The following SPATA13 variants were observed in gnomAD, a reference collection of about 807,000 sequenced individuals.
The protein encoded by SPATA13 is spermatogenesis-associated protein 13.
Under a neutral mutation model 104.0 loss-of-function variants are expected in SPATA13, and 50 were observed. The ratio of observed to expected loss-of-function variants is 0.48; its 90% CI spans 0.38 to 0.61. SPATA13 has a LOEUF of 0.61. SPATA13 is among the 20% of genes least tolerant of loss of function. SPATA13 has a pLI of 0.00. For missense variants in SPATA13, 1,524 were observed against 1,690.6 expected (o/e 0.90, Z 1.73); for synonymous variants, 606 against 667.5 (o/e 0.91, Z 1.42).
intron 1 of SPATA13, among the ~76,000 whole-genome samples, chr13:24,171,984 T>A (rs1227399032): frequency 4.6e-5 from 7 of 152,202 alleles, no homozygotes; most frequent in African/African-American, 1.7e-4. Context: ...ATTCTCCGAA[T>A]GATGACATCT....
rs116426583 is a variant in SPATA13, at chr13:24,213,831, C to T, written c.-111-8988C>T. 9.3e-3 allele frequency among the ~76,000 whole-genome samples: 1,423 copies of T among 152,236 alleles called. 21 individuals are homozygous for T. The highest frequency in any genetic ancestry group is 0.032 in the African/African-American group (1,333 of 41,530). ...GAAAAAATGTGTCTTCAAGTCTGAACAAGTGACTTAAAAATTGATATTTAG... is the reference window on the plus strand; with the variant it reads ...GAAAAAATGTGTCTTCAAGTCTGAATAAGTGACTTAAAAATTGATATTTAG... On this transcript the variant is annotated intron_variant, in intron 1 of 12. Transcript: ENST00000382108.
rs150113068 is a variant in SPATA13, at chr13:24,245,833, C to T, written c.1654-3644C>T. The stretch of plus-strand genomic sequence containing the variant: ...TGAATTCCTGGGCTCAAGCAATCCT[C>T]CTGCCTGAGCCTCCCAAAGTGCTGG... On this transcript the variant is annotated intron_variant, in intron 2 of 12. Coordinates refer to ENST00000382108, the MANE Select transcript of SPATA13 (RefSeq NM_001166271.3). Among the ~76,000 whole-genome samples the T allele has an allele frequency of 4.6e-3, 700 of 152,224 alleles. 14 individuals are homozygous for T. The highest frequency in any genetic ancestry group is 0.016 in the African/African-American group (678 of 41,514).
chr13:24,063,478 C>T (rs187633885), intron 3 of SPATA13, among the ~76,000 whole-genome samples: 19 of 152,218 alleles, frequency 1.2e-4, no homozygotes, highest in African/African-American at 4.6e-4. Context: ...TCTCCCCTGG[C>T]CCACATCCCT....
chr13:24,047,107 G>A (rs550260522), intron 3 of SPATA13, among the ~76,000 whole-genome samples: 13 of 152,174 alleles, frequency 8.5e-5, no homozygotes, highest in Non-Finnish European at 4.4e-5. Context: ...GGTGCACTGA[G>A]TCCACCTCAA....
intron 3 of SPATA13, among the ~76,000 whole-genome samples, chr13:24,093,404 G>A (rs17352779): frequency 0.01 from 1,579 of 152,336 alleles, 11 homozygotes; most frequent in Middle Eastern, 0.02. Flanking sequence ...AAAAGAGGAC[G>A]TATGGTTAGT....
chr13:24,232,942 C>CT (rs1162201527), intron 2 of SPATA13, among the ~76,000 whole-genome samples: 2 of 152,178 alleles, frequency 1.3e-5, no homozygotes. Context: ...TCTGAGAACT[C>CT]TAAGATTACA....
chr13:24,180,904 T>C (rs1868762065), intron 1 of SPATA13, among the ~76,000 whole-genome samples: 1 of 152,150 alleles, frequency 6.6e-6, no homozygotes. Context: ...ATTGTCAGAG[T>C]GTACTTACAC....
intron 3 of SPATA13, among the ~76,000 whole-genome samples, chr13:24,120,608 G>C (rs149997882): frequency 9.9e-5 from 15 of 152,204 alleles, no homozygotes; most frequent in African/African-American, 3.6e-4. Flanking sequence ...CATGTGAAAA[G>C]GGGGGACAGT....
At chr13:24,125,603 C>G (rs1309569405) in intron 3 of SPATA13, among the ~76,000 whole-genome samples, 1 of 152,118 alleles carries the variant, frequency 6.6e-6, no homozygotes, top group African/African-American at 2.4e-5. Context: ...TCTCAGTTCA[C>G]CTAGTGAGAA....
intron 3 of SPATA13, among the ~76,000 whole-genome samples, chr13:24,028,035 T>G (rs1886804): frequency 0.78 from 118,344 of 151,912 alleles, 46,720 homozygotes; most frequent in Middle Eastern, 0.85. Context: ...ATTCATAAAT[T>G]TAGATGTTTT....
chr13:24,101,691 T>C (rs1880262418), intron 3 of SPATA13, among the ~76,000 whole-genome samples: 1 of 152,208 alleles, frequency 6.6e-6, no homozygotes, highest in Non-Finnish European at 1.5e-5. Context: ...TACTAATCCG[T>C]AGAAGTGGAA....
intron 3 of SPATA13, among the ~76,000 whole-genome samples, chr13:24,037,742 A>G (rs1285347500): frequency 6.6e-6 from 1 of 151,722 alleles, no homozygotes; most frequent in Non-Finnish European, 1.5e-5. Flanking sequence ...TTCCTACAGC[A>G]AGCAGAAAAA....
intron 3 of SPATA13, among the ~76,000 whole-genome samples, chr13:24,112,967 AG>A (rs1298519211): frequency 6.6e-6 from 1 of 152,304 alleles, no homozygotes; most frequent in East Asian, 1.9e-4. Context: ...ACTCAACAGG[AG>A]GGGCTACTTA....
intron 3 of SPATA13, among the ~76,000 whole-genome samples, chr13:24,109,457 C>A (rs1880566819): frequency 6.6e-6 from 1 of 151,982 alleles, no homozygotes; most frequent in African/African-American, 2.4e-5. Context: ...ATTTATAATT[C>A]TTTGGGTATA....
chr13:23,992,346 G>A (rs1350586008), intron 2 of SPATA13, among the ~76,000 whole-genome samples: 1 of 152,182 alleles, frequency 6.6e-6, no homozygotes, highest in East Asian at 1.9e-4. Context: ...ATAAAATAAG[G>A]CATGTATTAG....
At chr13:23,988,722 C>T (rs1313327337) in intron 2 of SPATA13, among the ~76,000 whole-genome samples, 1 of 152,170 alleles carries the variant, frequency 6.6e-6, no homozygotes, top group Non-Finnish European at 1.5e-5. Context: ...TTTTAGTTTA[C>T]ATTTCTCCTA....
chr13:24,161,616 G>T lies in SPATA13; in HGVS notation c.-112+684G>T, dbSNP rs1009388845. ...CTGCTGCCAGCGTCAGGGGGAGCTC[G>T]GGTGACTTGGGCTGGGCCACCCATC... On this transcript the variant is annotated intron_variant, in intron 1 of 12. Coordinates refer to ENST00000382108, the MANE Select transcript of SPATA13 (RefSeq NM_001166271.3). This position sits in a 1 kb window ranked among gnomAD's most constrained non-coding sequence, Gnocchi z 4.5. Among the ~76,000 whole-genome samples, 1 of 152,156 alleles carries T rather than the reference G, an allele frequency of 6.6e-6. No individual in the cohort carries two copies. Among genetic ancestry groups the T allele is most frequent in the Admixed American group, 6.5e-5 (1 of 15,282 alleles).
Position 24,286,518 on chromosome 13 carries a change from C to T in SPATA13, c.2481+125C>T. On this transcript the variant is annotated intron_variant, in intron 6 of 12. Coordinates refer to ENST00000382108, the MANE Select transcript of SPATA13 (RefSeq NM_001166271.3). The surrounding 1 kb of genome is among the most constrained non-coding windows in gnomAD (Gnocchi z 4.9). Reference sequence around the variant, plus strand: ...TTGATATCTGACATGCAAGTCACACCTGTAAGAAATTAGGCTGGGTCGGAG... The same window carrying T: ...TTGATATCTGACATGCAAGTCACACTTGTAAGAAATTAGGCTGGGTCGGAG... 2 of 1,110,264 alleles carry T rather than the reference C, an allele frequency of 1.8e-6. No homozygotes were observed. The highest frequency in any genetic ancestry group is 1.7e-5 in the South Asian group (1 of 60,352). 68.8% of individuals were successfully genotyped at this position (1,110,264 alleles called of 1,614,324 possible).
At chr13:24,065,812 C>T (rs1001762181) in intron 3 of SPATA13, among the ~76,000 whole-genome samples, 9 of 152,194 alleles carry the variant, frequency 5.9e-5, no homozygotes, top group Non-Finnish European at 1.3e-4. Context: ...CTGTCATTCT[C>T]AACTAAGTTT....
Sources: gnomAD v4.1 joint callset for allele counts (sites outside exome capture counted in the v4.1 genomes callset) on GRCh38, gnomAD v4.1.1 for gene constraint, Gnocchi (gnomAD v3.1) non-coding constraint, MANE v1.5 for transcripts, NCBI Gene and HGNC (gene_info 2026-07-23, HGNC 2026-07-21) for gene names.